The following SPPL2A variants were observed in gnomAD, a reference collection of about 807,000 sequenced individuals.
SPPL2A encodes the protein signal peptide peptidase like 2A.
Under a neutral mutation model 63.8 loss-of-function variants are expected in SPPL2A, and 51 were observed. The observed-to-expected ratio is 0.80, with a 90% CI of 0.64 to 1.01. The LOEUF (loss-of-function observed/expected upper bound fraction) is 1.01, where lower values mean the gene tolerates loss of function less well. SPPL2A is among the 50% of genes least tolerant of loss of function. The pLI is 0.00. For synonymous variants in SPPL2A, 188 were observed against 205.8 expected, an observed-to-expected ratio of 0.91 and a Z score of 0.74; for missense variants, 553 against 622.7, an observed-to-expected ratio of 0.89 and a Z score of 1.19.
At chr15:50,760,296 T>G (rs1342544285) in intron 1 of SPPL2A, among the ~76,000 whole-genome samples, 1 of 152,056 alleles carries the variant, frequency 6.6e-6, no homozygotes, top group Non-Finnish European at 1.5e-5. Flanking sequence ...AGTCTTGCTC[T>G]GTCGCCCAGG....
At chr15:50,736,053 G>T in intron 8 of SPPL2A, 48 bp downstream of exon 8, 5 of 1,227,826 alleles carry the variant, frequency 4.1e-6, no homozygotes, top group Non-Finnish European at 6.0e-6. Context: ...GGCAAGATAG[G>T]AAACAATTCA....
intron 12 of SPPL2A, among the ~76,000 whole-genome samples, chr15:50,723,107 T>G (rs1414706405): frequency 6.6e-6 from 1 of 152,060 alleles, no homozygotes; most frequent in Non-Finnish European, 1.5e-5. Context: ...AAAACCACAA[T>G]GAGATATCGC....
chr15:50,714,730 G>A (rs2062587767), intron 14 of SPPL2A, among the ~76,000 whole-genome samples: 1 of 149,518 alleles, frequency 6.7e-6, no homozygotes. Flanking sequence ...TTCACCTGAG[G>A]TCAGAAGTTC....
chr15:50,763,274 C>A lies in SPPL2A; in HGVS notation c.66+2194G>T, dbSNP rs111403801. On this transcript the variant is annotated intron_variant, in intron 1 of 14. Coordinates refer to ENST00000261854, the MANE Select transcript of SPPL2A (RefSeq NM_032802.4). ...TGAGGAAAAGGAAACCAGATCTACC[C>A]AAGTTCTCAGAACACGAAAGGAATG... 8.4e-3 allele frequency among the ~76,000 whole-genome samples: 1,279 copies of A among 152,098 alleles called. 2 individuals are homozygous for A. The highest frequency in any genetic ancestry group is 0.02 in the Middle Eastern group (6 of 294).
At chr15:50,751,169 A>C (rs1483580226) in intron 1 of SPPL2A, among the ~76,000 whole-genome samples, 4 of 152,366 alleles carry the variant, frequency 2.6e-5, no homozygotes, top group Admixed American at 2.6e-4. Context: ...TAAGGAAATA[A>C]GATGTGAAAA....
At chr15:50,759,917 G>A (rs2062994630) in intron 1 of SPPL2A, among the ~76,000 whole-genome samples, 1 of 152,078 alleles carries the variant, frequency 6.6e-6, no homozygotes, top group African/African-American at 2.4e-5. Flanking sequence ...TATAGGTGTT[G>A]AATTTTGGGA....
chr15:50,726,449 T>A, intron 10 of SPPL2A, 72 bp from the exon 11 acceptor site: 1 of 1,411,846 alleles, frequency 7.1e-7, no homozygotes, highest in Non-Finnish European at 1.0e-6. Flanking sequence ...AAGTGTGATT[T>A]AAGCCCCATG....
intron 6 of SPPL2A, among the ~76,000 whole-genome samples, 166 bp from the exon 7 acceptor site, chr15:50,736,906 G>GTT (rs1162635988): frequency 3.3e-5 from 5 of 150,282 alleles, no homozygotes; most frequent in Non-Finnish European, 3.0e-5. Flanking sequence ...TAGATCGTGA[G>GTT]GTTTTTTGTT....
chr15:50,765,575 G>A lies in SPPL2A; in HGVS notation c.-42C>T. On this transcript the variant is annotated 5_prime_UTR_variant, in exon 1 of 15. Coordinates refer to ENST00000261854, the MANE Select transcript of SPPL2A (RefSeq NM_032802.4). Reference sequence around the variant, plus strand: ...GGGTGGGACGGCACGGTGCGGCGCAGCTCACTCGGCGGGGTAGGCTCGGAG... The same window carrying A: ...GGGTGGGACGGCACGGTGCGGCGCAACTCACTCGGCGGGGTAGGCTCGGAG... 4 of 1,323,494 alleles carry A rather than the reference G, an allele frequency of 3.0e-6. No individual in the cohort carries two copies. The highest frequency in any genetic ancestry group is 3.9e-6 in the Non-Finnish European group (4 of 1,025,142). The allele number at this position is 1,323,494 out of a possible 1,614,324, so 82.0% of individuals were successfully genotyped here. A position where few individuals can be genotyped will look rare whatever the true frequency, so the allele number is the denominator to read the frequency against.
chr15:50,712,673 C>T (rs1226089170), intron 14 of SPPL2A, among the ~76,000 whole-genome samples: 1 of 129,914 alleles, frequency 7.7e-6, no homozygotes, highest in African/African-American at 2.8e-5. Context: ...CCCTCCCTCC[C>T]CCCCCCTTTT....
chr15:50,747,127 T>C (rs1232841925), intron 5 of SPPL2A, among the ~76,000 whole-genome samples: 3 of 152,212 alleles, frequency 2.0e-5, no homozygotes, highest in African/African-American at 7.2e-5. Flanking sequence ...CACACTGTAA[T>C]GACCCAGCCC....
intron 4 of SPPL2A, 138 bp downstream of exon 4, chr15:50,747,975 C>A (rs539136692): frequency 6.5e-6 from 3 of 464,182 alleles, no homozygotes; most frequent in Non-Finnish European, 1.1e-5. Flanking sequence ...GAGTACTTTC[C>A]AAACAAAAAC....
intron 5 of SPPL2A, among the ~76,000 whole-genome samples, chr15:50,742,109 T>G (rs2062825945): frequency 6.6e-6 from 1 of 152,080 alleles, no homozygotes; most frequent in South Asian, 2.1e-4. Flanking sequence ...ACCAGTGACC[T>G]TATTATAAAA....
intron 1 of SPPL2A, among the ~76,000 whole-genome samples, chr15:50,762,085 C>A (rs1356419202): frequency 6.6e-6 from 1 of 151,630 alleles, no homozygotes; most frequent in Non-Finnish European, 1.5e-5. Flanking sequence ...GTAATTATGG[C>A]AGCCAGGCAT....
chr15:50,726,622 T>C (rs973031284), intron 10 of SPPL2A, among the ~76,000 whole-genome samples: 1 of 152,204 alleles, frequency 6.6e-6, no homozygotes, highest in African/African-American at 2.4e-5. Flanking sequence ...AAATGAATCA[T>C]GTAAAAATAA....
chr15:50,716,366 T>G (rs2062598864), intron 14 of SPPL2A, among the ~76,000 whole-genome samples: 3 of 151,996 alleles, frequency 2.0e-5, no homozygotes, highest in Admixed American at 1.3e-4. Flanking sequence ...AGCTAATTTT[T>G]GCATTTTTAG....
In SPPL2A at chr15:50,705,295, T is replaced by C. The variant is rs572124295; in HGVS notation, c.*2505A>G. ...GCAGAGGTTGTAGTGAGCCAAGATCTTGCTACTGCACTCCAGCCTGGGTGA... is the reference window on the plus strand; with the variant it reads ...GCAGAGGTTGTAGTGAGCCAAGATCCTGCTACTGCACTCCAGCCTGGGTGA... On this transcript the variant is annotated 3_prime_UTR_variant, in exon 15 of 15. Transcript: ENST00000261854. 2.0e-5 allele frequency: 3 copies of C among 151,474 alleles called. No homozygotes were observed. The highest frequency in any genetic ancestry group is 2.0e-4 in the Admixed American group (3 of 15,162). The allele number at this position is 151,474 out of a possible 1,614,324, so 9.4% of individuals were successfully genotyped here.
At chr15:50,745,182 G>A (rs1458007800) in intron 5 of SPPL2A, among the ~76,000 whole-genome samples, 1 of 151,946 alleles carries the variant, frequency 6.6e-6, no homozygotes, top group Non-Finnish European at 1.5e-5. Flanking sequence ...ATGGAGTTTC[G>A]CTCTGTCACC....
chr15:50,764,405 G>A (rs956615313), intron 1 of SPPL2A: 2 of 152,104 alleles, frequency 1.3e-5, no homozygotes, highest in African/African-American at 4.8e-5. Context: ...TCCTGATGTT[G>A]CCTGTCAAAG....
Sources: allele counts gnomAD v4.1 joint callset (sites outside exome capture counted in the v4.1 genomes callset), GRCh38; gene constraint gnomAD v4.1.1; transcripts MANE v1.5; gene names NCBI Gene and HGNC (gene_info 2026-07-23, HGNC 2026-07-21).